The following EIF4B variants were observed in gnomAD, a reference collection of about 807,000 sequenced individuals.
EIF4B encodes the protein eukaryotic translation initiation factor 4B.
Under a neutral mutation model 79.3 loss-of-function variants are expected in EIF4B, and 8 were observed. The observed-to-expected ratio is 0.10, with a 90% CI of 0.06 to 0.18. The LOEUF is 0.18. Among genes scored for constraint, EIF4B ranks in the 10% least tolerant of loss-of-function variants. EIF4B has a pLI of 1.00. For missense variants in EIF4B, 515 were observed against 792.4 expected (o/e 0.65, Z 4.20); for synonymous variants, 238 against 274.7 (o/e 0.87, Z 1.32).
chr12:53,039,786 C>A, intron 14 of EIF4B, 84 bp downstream of exon 14: 1 of 1,457,978 alleles, frequency 6.9e-7, no homozygotes, highest in Non-Finnish European at 9.3e-7. Flanking sequence ...ATTAAAAATT[C>A]TTAGTATTCT....
At chr12:53,021,702 C>A (rs1210677267) in intron 4 of EIF4B, 104 bp from the exon 5 acceptor site, 2 of 1,331,316 alleles carry the variant, frequency 1.5e-6, no homozygotes, top group Non-Finnish European at 2.2e-6. Flanking sequence ...TTTCCTTTAT[C>A]TTCCTTCCCC....
In EIF4B at chr12:53,039,227, T is replaced by G; in HGVS notation, c.1577-11T>G. 1 of 1,580,854 alleles carries G rather than the reference T, an allele frequency of 6.3e-7. No homozygotes were observed. The highest frequency in any genetic ancestry group is 8.6e-7 in the Non-Finnish European group (1 of 1,156,488). Reference sequence around the variant, plus strand: ...CTTGCCTTTAATTTGTTTACATTACTGCCCAAGCAGATGAAAATAAAGTAG... The same window carrying G: ...CTTGCCTTTAATTTGTTTACATTACGGCCCAAGCAGATGAAAATAAAGTAG... On this transcript the variant is annotated splice_polypyrimidine_tract_variant and intron_variant, in intron 12 of 14. Transcript: ENST00000262056.
At chr12:53,039,082 G>A (rs1213356518) in intron 12 of EIF4B, 156 bp from the exon 13 acceptor site, 1 of 586,594 alleles carries the variant, frequency 1.7e-6, no homozygotes, top group East Asian at 2.9e-5. Flanking sequence ...TAGAGGATGT[G>A]GAAAGAAGGG....
In EIF4B at chr12:53,018,783, A is replaced by G. The variant is rs962444562; in HGVS notation, c.152-15A>G. On this transcript the variant is annotated splice_polypyrimidine_tract_variant and intron_variant, in intron 2 of 14. Transcript: ENST00000262056. The stretch of plus-strand genomic sequence containing the variant: ...AAGTTTCTTCTAATTTCTTACATTC[A>G]TTCCTCTATCCTAGTTTCGACCACT... 2 of 1,611,610 alleles carry G rather than the reference A, an allele frequency of 1.2e-6. No individual in the cohort carries two copies. The highest frequency in any genetic ancestry group is 1.3e-5 in the African/African-American group (1 of 74,842).
At chr12:53,039,875 C>T (rs1406778668) in intron 14 of EIF4B, 173 bp downstream of exon 14, 54 of 803,502 alleles carry the variant, frequency 6.7e-5, no homozygotes, top group Non-Finnish European at 6.8e-5. Context: ...ACTGAAATAG[C>T]GAAAGAAGTT....
intron 8 of EIF4B, among the ~76,000 whole-genome samples, chr12:53,032,661 GTTTT>G (rs972410683): frequency 7.3e-6 from 1 of 137,468 alleles, no homozygotes; most frequent in African/African-American, 2.9e-5. Context: ...TTGAACTTGG[GTTTT>G]TTTGTTTTTT....
At chr12:53,009,720 G>C (rs1373697808) in intron 1 of EIF4B, among the ~76,000 whole-genome samples, 2 of 152,138 alleles carry the variant, frequency 1.3e-5, no homozygotes, top group Admixed American at 1.3e-4. Context: ...AGATTCCCTA[G>C]TGTCAAGTTC....
chr12:53,028,005 A>G lies in EIF4B; in HGVS notation c.806-10A>G, dbSNP rs780668589. On this transcript the variant is annotated splice_polypyrimidine_tract_variant and intron_variant, in intron 7 of 14. Transcript: ENST00000262056. ...CGCTGTGATGATTATAATTTGGGATATATTTACAGGCTATGATTCCCGGAT... is the reference window on the plus strand; with the variant it reads ...CGCTGTGATGATTATAATTTGGGATGTATTTACAGGCTATGATTCCCGGAT... The G allele has an allele frequency of 7.5e-6, 12 of 1,607,968 alleles. No individual in the cohort carries two copies. Among genetic ancestry groups the G allele is most frequent in the Middle Eastern group, 1.7e-4 (1 of 6,050 alleles).
At chr12:53,024,149 G>A (rs1943296602) in intron 6 of EIF4B, among the ~76,000 whole-genome samples, 1 of 152,152 alleles carries the variant, frequency 6.6e-6, no homozygotes, top group Non-Finnish European at 1.5e-5. Flanking sequence ...GGTAGGAGTA[G>A]AGATTAATTA....
chr12:53,012,831 C>T (rs1215637725), intron 1 of EIF4B, among the ~76,000 whole-genome samples: 1 of 152,024 alleles, frequency 6.6e-6, no homozygotes, highest in Non-Finnish European at 1.5e-5. Context: ...TGGTCTCGAT[C>T]TCCTGACCTC....
At chr12:53,025,301 TCTC>T in intron 6 of EIF4B, 1 of 452,772 alleles carries the variant, frequency 2.2e-6, no homozygotes, top group South Asian at 1.6e-5. Flanking sequence ...GCATGACTTT[TCTC>T]ACCTGAAACC....
intron 5 of EIF4B, 171 bp from the exon 6 acceptor site, chr12:53,022,322 G>T (rs1255829851): frequency 4.3e-6 from 4 of 931,684 alleles, no homozygotes; most frequent in Non-Finnish European, 6.8e-6. Context: ...GGGAGGAAAA[G>T]AGCCACCTGG....
In EIF4B at chr12:53,034,663, A is replaced by G. The variant is rs749596960; in HGVS notation, c.1260A>G (p.Thr420=). The G allele has an allele frequency of 3.1e-6, 5 of 1,614,036 alleles. No homozygotes were observed. The highest frequency in any genetic ancestry group is 3.3e-4 in the Middle Eastern group (2 of 6,058). The part of the protein sequence containing the change: ...EETQERERSR[T]GSESSQTGTS... Reference sequence around the variant, plus strand: ...CTCAGGAACGGGAACGGTCGAGGACAGGAAGTGAGTCATCACAAACTGGGA... The same window carrying G: ...CTCAGGAACGGGAACGGTCGAGGACGGGAAGTGAGTCATCACAAACTGGGA... Residue 420 remains threonine, a synonymous_variant, in exon 10 of 15, where the codon ACA becomes ACG. Transcript: ENST00000262056.
chr12:53,019,079 C>A, intron 3 of EIF4B, 73 bp downstream of exon 3: 1 of 1,514,194 alleles, frequency 6.6e-7, no homozygotes, highest in Non-Finnish European at 9.0e-7. Context: ...GTGGAATGGG[C>A]AGTTGCTGTT....
intron 3 of EIF4B, among the ~76,000 whole-genome samples, chr12:53,019,439 T>TTTTC (rs1943206359): frequency 5.1e-5 from 5 of 97,970 alleles, no homozygotes; most frequent in Non-Finnish European, 8.7e-5. Flanking sequence ...ATATATATAT[T>TTTTC]TTTTTTTTTT....
intron 2 of EIF4B, among the ~76,000 whole-genome samples, chr12:53,018,412 A>G (rs1943182286): frequency 6.6e-6 from 1 of 152,160 alleles, no homozygotes. Flanking sequence ...CCAGGTTTGA[A>G]TCCTAGCTTT....
chr12:53,034,133 A>G (rs1943495935), intron 9 of EIF4B, 99 bp downstream of exon 9: 2 of 1,247,306 alleles, frequency 1.6e-6, no homozygotes, highest in African/African-American at 3.0e-5. Context: ...TCGTTATCAC[A>G]TTAGTGGTTG....
Position 53,034,767 on chromosome 12 carries a change from C to T in EIF4B, c.1306+58C>T, listed in dbSNP as rs779112839. On this transcript the variant is annotated intron_variant, in intron 10 of 14. Coordinates refer to ENST00000262056, the MANE Select transcript of EIF4B (RefSeq NM_001417.7). ...GCCGTTTTCCATAAACTATCCATAA[C>T]CAAATTATGCAGAGACCCTGCAATA... The T allele has an allele frequency of 3.9e-5, 61 of 1,580,646 alleles. 2 individuals carry two copies. The South Asian group carries it at 4.2e-4, about 11-fold the overall frequency.
intron 3 of EIF4B, 129 bp from the exon 4 acceptor site, chr12:53,019,781 T>G: frequency 1.3e-6 from 1 of 780,438 alleles, no homozygotes; most frequent in Non-Finnish European, 2.1e-6. Flanking sequence ...GTTTTCCTCC[T>G]GAGACAACCA....
Sources: allele counts gnomAD v4.1 joint callset (sites outside exome capture counted in the v4.1 genomes callset), GRCh38; gene constraint gnomAD v4.1.1; transcripts MANE v1.5; gene names NCBI Gene and HGNC (gene_info 2026-07-23, HGNC 2026-07-21).